Variants in PTPRD observed in about 807,000 individuals in gnomAD.
The protein encoded by PTPRD is protein tyrosine phosphatase receptor type D, also known as receptor-type tyrosine-protein phosphatase delta.
A neutral mutation model predicts 214.5 loss-of-function variants in PTPRD; 34 were observed. That is an observed-to-expected ratio of 0.16 (90% CI 0.12 to 0.21). The LOEUF is 0.21. Ranked by LOEUF, PTPRD falls within the 10% of genes least tolerant of loss-of-function variation. The pLI, the probability that PTPRD is intolerant of heterozygous loss-of-function variation, is 1.00. For synonymous variants in PTPRD, 1,128 were observed against 845.7 expected, an observed-to-expected ratio of 1.33 and a Z score of -5.79; for missense variants, 2,545 against 2,398.7, an observed-to-expected ratio of 1.06 and a Z score of -1.27.
intron 9 of PTPRD, among the ~76,000 whole-genome samples, chr9:9,188,074 C>T (rs2099932769): frequency 1.3e-5 from 2 of 152,142 alleles, no homozygotes; most frequent in African/African-American, 4.8e-5. Context: ...ACTTTTTCCT[C>T]CTCACCAAAG....
At chr9:8,621,477 C>T (rs993563717) in intron 14 of PTPRD, among the ~76,000 whole-genome samples, 4 of 151,824 alleles carry the variant, frequency 2.6e-5, no homozygotes, top group African/African-American at 7.2e-5. Context: ...AAACCCCAGT[C>T]GTACTGGGCA....
chr9:10,419,437 G>A (rs947582628), intron 2 of PTPRD, among the ~76,000 whole-genome samples: 7 of 151,660 alleles, frequency 4.6e-5, no homozygotes, highest in African/African-American at 1.2e-4. Flanking sequence ...TCAAATTATG[G>A]CCATTATAAA....
chr9:9,320,881 A>G (rs888368118), intron 9 of PTPRD, among the ~76,000 whole-genome samples: 6 of 152,202 alleles, frequency 3.9e-5, no homozygotes, highest in African/African-American at 1.4e-4. Context: ...TATTTTGTCC[A>G]AAAGCCAGAA....
At chr9:8,759,615 CTTTTTT>C (rs77725373) in intron 11 of PTPRD, among the ~76,000 whole-genome samples, 1 of 98,992 alleles carries the variant, frequency 1.0e-5, no homozygotes. Flanking sequence ...TGTTACATTT[CTTTTTT>C]TTTTTTTTTT....
At chr9:8,524,050 T>G (rs1443673113) in intron 18 of PTPRD, among the ~76,000 whole-genome samples, 2 of 151,942 alleles carry the variant, frequency 1.3e-5, no homozygotes, top group Non-Finnish European at 2.9e-5. Flanking sequence ...CACAGATATG[T>G]AGACCAGGAA....
intron 3 of PTPRD, among the ~76,000 whole-genome samples, chr9:10,260,103 TA>T (rs961642315): frequency 6.6e-6 from 1 of 152,166 alleles, no homozygotes; most frequent in African/African-American, 2.4e-5. Flanking sequence ...ATATTTATAC[TA>T]AAAAAAATTG....
chr9:8,828,565 G>C (rs2097219372), intron 11 of PTPRD, among the ~76,000 whole-genome samples: 1 of 152,266 alleles, frequency 6.6e-6, no homozygotes, highest in Non-Finnish European at 1.5e-5. Flanking sequence ...AGCTCAAAGA[G>C]ACTAAGATGT....
At chr9:9,664,088 T>TAAAAAA (rs71319290) in intron 7 of PTPRD, among the ~76,000 whole-genome samples, 2 of 114,536 alleles carry the variant, frequency 1.7e-5, no homozygotes, top group Non-Finnish European at 1.8e-5. Flanking sequence ...CACTCCTGTG[T>TAAAAAA]AAAAAAAAAA....
At position 9,607,005 on chromosome 9, in the gene PTPRD, A is replaced by AAAAAT. The variant is rs1187365479; in HGVS notation, c.-286-32225_-286-32224insATTTT. On this transcript the variant is annotated intron_variant, in intron 7 of 45. Coordinates refer to ENST00000381196, the MANE Select transcript of PTPRD (RefSeq NM_002839.4). Reference sequence around the variant, plus strand: ...AAAAAAAAAAAAAAAAAAAAAAAAAAGTGTTTCTGCCATGTCACCGACCAG... The same window carrying AAAAAT: ...AAAAAAAAAAAAAAAAAAAAAAAAAAAAAATGTGTTTCTGCCATGTCACCGACCAG... 6.8e-4 allele frequency among the ~76,000 whole-genome samples: 81 copies of AAAAAT among 119,674 alleles called. 10 individuals are homozygous for AAAAAT. Among genetic ancestry groups the AAAAAT allele is most frequent in the African/African-American group, 1.4e-3 (44 of 30,508 alleles). 78.5% of individuals were successfully genotyped at this position (119,674 alleles called of 152,430 possible).
intron 8 of PTPRD, among the ~76,000 whole-genome samples, chr9:9,440,838 A>G (rs1360593): frequency 0.6 from 92,016 of 152,104 alleles, 28,615 homozygotes; most frequent in Non-Finnish European, 0.65. Flanking sequence ...ATTCATGATT[A>G]TGTTTAGCAC....
At chr9:10,508,688 C>T (rs187887455) in intron 2 of PTPRD, among the ~76,000 whole-genome samples, 7 of 152,078 alleles carry the variant, frequency 4.6e-5, no homozygotes, top group South Asian at 2.1e-4. Flanking sequence ...AGCAAACTAT[C>T]GCAAGGACAA....
Position 8,314,608 on chromosome 9 carries a change from C to G in PTPRD, c.*3266G>C, listed in dbSNP as rs143317338. The G allele has an allele frequency of 3.5e-5, 8 of 231,460 alleles. No individual in the cohort carries two copies. Among genetic ancestry groups the G allele is most frequent in the Non-Finnish European group, 6.0e-5 (7 of 117,154 alleles). The allele number at this position is 231,460 out of a possible 1,614,324, so 14.3% of individuals were successfully genotyped here. A position where few individuals can be genotyped will look rare whatever the true frequency, so the allele number is the denominator to read the frequency against. ...ATCTCTGCTGGAGTATCAGGGCACC[C>G]ATAAACCCAAAAGGAACCAAAACCC... On this transcript the variant is annotated 3_prime_UTR_variant, in exon 46 of 46. Coordinates refer to ENST00000381196, the MANE Select transcript of PTPRD (RefSeq NM_002839.4).
intron 5 of PTPRD, among the ~76,000 whole-genome samples, chr9:9,914,098 G>A (rs2079993365): frequency 6.6e-6 from 1 of 152,138 alleles, no homozygotes; most frequent in Non-Finnish European, 1.5e-5. Flanking sequence ...GTCCTGCCTT[G>A]GGCAAACCCA....
intron 12 of PTPRD, among the ~76,000 whole-genome samples, chr9:8,658,776 T>A (rs2096967273): frequency 6.6e-6 from 1 of 151,994 alleles, no homozygotes; most frequent in South Asian, 2.1e-4. Context: ...GATGAGGCGG[T>A]ATCTATTTCT....
intron 12 of PTPRD, among the ~76,000 whole-genome samples, chr9:8,708,831 G>A (rs189244100): frequency 8.6e-4 from 131 of 152,204 alleles, no homozygotes; most frequent in African/African-American, 3.1e-3. Flanking sequence ...TAGCCAAGAT[G>A]TGGAAGCAAC....
intron 3 of PTPRD, among the ~76,000 whole-genome samples, chr9:10,240,977 A>G (rs1021446814): frequency 2.6e-5 from 4 of 151,508 alleles, no homozygotes; most frequent in African/African-American, 9.7e-5. Context: ...CAAAGGCCTC[A>G]TATATTACAA....
chr9:8,858,090 T>TCCC (rs1470546941), intron 11 of PTPRD: 1 of 162,364 alleles, frequency 6.2e-6, no homozygotes, highest in East Asian at 1.8e-4. Context: ...GTTTGTCTCC[T>TCCC]CCCCCTCCTC....
intron 3 of PTPRD, among the ~76,000 whole-genome samples, chr9:10,193,263 C>A (rs1328224241): frequency 6.6e-6 from 1 of 151,244 alleles, no homozygotes; most frequent in Non-Finnish European, 1.5e-5. Context: ...GGTTCTTTTC[C>A]TGAAAATTTT....
intron 10 of PTPRD, among the ~76,000 whole-genome samples, chr9:9,118,209 T>C (rs1379514537): frequency 6.6e-6 from 1 of 152,254 alleles, no homozygotes; most frequent in African/African-American, 2.4e-5. Context: ...TATTTAAATA[T>C]GCTTTTAGGT....
Sources: gnomAD v4.1 joint callset for allele counts (sites outside exome capture counted in the v4.1 genomes callset) on GRCh38, gnomAD v4.1.1 for gene constraint, MANE v1.5 for transcripts, NCBI Gene and HGNC (gene_info 2026-07-23, HGNC 2026-07-21) for gene names.